Variants in STARD9 observed in about 807,000 individuals in gnomAD.
The protein encoded by STARD9 is stAR-related lipid transfer protein 9.
A neutral mutation model predicts 399.8 loss-of-function variants in STARD9; 346 were observed. That is an observed-to-expected ratio of 0.87 (90% CI 0.79 to 0.95). The LOEUF (loss-of-function observed/expected upper bound fraction) is 0.95. Ranked by LOEUF, STARD9 falls within the 40% of genes least tolerant of loss-of-function variation. The probability of loss-of-function intolerance (pLI) is 0.00; values close to 1 mark genes in which losing one functional copy is unlikely to be tolerated. For missense variants in STARD9, 5,832 were observed against 5,667.5 expected, an observed-to-expected ratio of 1.03 and a Z score of -0.93; for synonymous variants, 2,203 against 2,143.5, an observed-to-expected ratio of 1.03 and a Z score of -0.77.
Position 42,690,470 on chromosome 15 carries a change from T to C in STARD9, c.8892T>C (p.Thr2964=), listed in dbSNP as rs1474880721. 1 of 1,537,144 alleles carries C rather than the reference T, an allele frequency of 6.5e-7. No individual in the cohort carries two copies. The highest frequency in any genetic ancestry group is 1.4e-5 in the African/African-American group (1 of 73,054). Residue 2964 remains threonine (T), a synonymous_variant, in exon 23 of 33, where the codon ACT becomes ACC. Transcript: ENST00000290607. ...CATGCAGTTCTCAACCTGTTGCTAC[T>C]CATGCTTATTCCTCCCATTCCTCTA... ...RQPCSSQPVA[T]HAYSSHSSTL...
intron 26 of STARD9, among the ~76,000 whole-genome samples, chr15:42,711,474 G>A (rs1004205203): frequency 6.6e-6 from 1 of 152,142 alleles, no homozygotes; most frequent in African/African-American, 2.4e-5. Flanking sequence ...ATTAGTCATT[G>A]GATTTAGGGA....
intron 3 of STARD9, among the ~76,000 whole-genome samples, chr15:42,612,670 C>T (rs914387576): frequency 2.6e-5 from 4 of 152,238 alleles, no homozygotes; most frequent in Admixed American, 2.0e-4. Flanking sequence ...CATTCTTTAG[C>T]AAAAAGAAGC....
At chr15:42,608,304 G>A (rs1408179260) in intron 3 of STARD9, among the ~76,000 whole-genome samples, 1 of 152,138 alleles carries the variant, frequency 6.6e-6, no homozygotes, top group Non-Finnish European at 1.5e-5. Flanking sequence ...ACAGGACCCT[G>A]CCAGCCGGAT....
At chr15:42,622,729 G>A (rs980733988) in intron 3 of STARD9, among the ~76,000 whole-genome samples, 1 of 152,300 alleles carries the variant, frequency 6.6e-6, no homozygotes, top group South Asian at 2.1e-4. Context: ...ACAAATGGAA[G>A]TACAAAGATT....
chr15:42,628,005 T>G (rs574547539), intron 3 of STARD9, among the ~76,000 whole-genome samples: 83 of 152,300 alleles, frequency 5.4e-4, no homozygotes, highest in Non-Finnish European at 9.9e-4. Context: ...CTGAGGAACC[T>G]CCATACTCTT....
At chr15:42,657,495 A>G (rs567419959) in intron 9 of STARD9, among the ~76,000 whole-genome samples, 11 of 152,344 alleles carry the variant, frequency 7.2e-5, no homozygotes, top group African/African-American at 1.9e-4. Context: ...CTCAAAATAC[A>G]TGAAAACACT....
At chr15:42,675,390 C>T (rs929316852) in intron 18 of STARD9, 1 of 494,380 alleles carries the variant, frequency 2.0e-6, no homozygotes, top group Non-Finnish European at 3.6e-6. Flanking sequence ...TCTTTTGAGA[C>T]TGAGCTGAGA....
intron 3 of STARD9, among the ~76,000 whole-genome samples, chr15:42,618,441 CTT>C (rs911667483): frequency 2.8e-4 from 42 of 152,062 alleles, no homozygotes; most frequent in Non-Finnish European, 4.7e-4. Context: ...CCACTATACA[CTT>C]TTATTTGTGT....
chr15:42,633,387 G>A (rs2059366384), intron 3 of STARD9, among the ~76,000 whole-genome samples: 1 of 152,050 alleles, frequency 6.6e-6, no homozygotes, highest in Non-Finnish European at 1.5e-5. Context: ...AGAATTGAAG[G>A]GAAAGTTGAA....
chr15:42,642,103 C>T (rs1182215766), intron 7 of STARD9, among the ~76,000 whole-genome samples: 1 of 152,118 alleles, frequency 6.6e-6, no homozygotes, highest in African/African-American at 2.4e-5. Flanking sequence ...TGTCTTAAGG[C>T]TTATCCATTC....
intron 9 of STARD9, among the ~76,000 whole-genome samples, chr15:42,654,811 C>T (rs1399059689): frequency 6.6e-6 from 1 of 152,172 alleles, no homozygotes; most frequent in African/African-American, 2.4e-5. Context: ...ATCTCATGCT[C>T]ATGGATGGGT....
At chr15:42,608,103 C>A (rs2058773946) in intron 3 of STARD9, among the ~76,000 whole-genome samples, 1 of 152,122 alleles carries the variant, frequency 6.6e-6, no homozygotes, top group Non-Finnish European at 1.5e-5. Flanking sequence ...GGGATATGGG[C>A]TAAGGCTGGA....
intron 15 of STARD9, 68 bp downstream of exon 15, chr15:42,665,916 A>T: frequency 7.4e-7 from 1 of 1,342,700 alleles, no homozygotes; most frequent in Non-Finnish European, 1.0e-6. Context: ...TTCCGGAGCT[A>T]GGTAGGGTTG....
At chr15:42,677,263 CA>C (rs1000583456) in intron 20 of STARD9, among the ~76,000 whole-genome samples, 1 of 152,044 alleles carries the variant, frequency 6.6e-6, no homozygotes, top group Admixed American at 6.5e-5. Flanking sequence ...GACTCCGTCT[CA>C]AAAAAAGAAA....
intron 16 of STARD9, 71 bp downstream of exon 16, chr15:42,669,408 G>C: frequency 7.5e-7 from 1 of 1,332,264 alleles, no homozygotes; most frequent in South Asian, 1.5e-5. Context: ...AAAGCTAGGA[G>C]CAGCAGCCAT....
intron 3 of STARD9, among the ~76,000 whole-genome samples, chr15:42,600,524 T>C (rs1225739152): frequency 6.6e-6 from 1 of 150,810 alleles, no homozygotes; most frequent in Non-Finnish European, 1.5e-5. Flanking sequence ...GTTTCTTTCT[T>C]TCTTTTTTTT....
At chr15:42,587,596 C>T (rs1156700364) in intron 3 of STARD9, among the ~76,000 whole-genome samples, 1 of 151,988 alleles carries the variant, frequency 6.6e-6, no homozygotes, top group Non-Finnish European at 1.5e-5. Context: ...GATGGAGTTT[C>T]GCTCTTGTTG....
In STARD9 at chr15:42,694,667, C is replaced by A; in HGVS notation, c.12904C>A (p.Pro4302Thr). ...TCTCTTCATCTGGGATCTTGACTTG[C>A]CCAGCAGACGCCGAGAATACCTGCA... ...KDLFIWDLDL[P>T]SRRREYLQQL... Residue 4302 changes from proline to threonine, a missense_variant, in exon 24 of 33, where the codon CCC becomes ACC. Around this residue, in one of 2 missense-constraint regions of STARD9, gnomAD observed 5,828 missense variants for 5,651.1 expected, o/e 1.03. Transcript: ENST00000290607. 1 of 1,537,154 alleles carries A rather than the reference C, an allele frequency of 6.5e-7. No homozygotes were observed.
chr15:42,682,597 G>A (rs1170739074), intron 22 of STARD9, 22 bp downstream of exon 22: 1 of 1,501,002 alleles, frequency 6.7e-7, no homozygotes, highest in South Asian at 1.2e-5. Context: ...AGTTGTCACT[G>A]GGAAGCACTC....
Sources: allele counts gnomAD v4.1 joint callset (sites outside exome capture counted in the v4.1 genomes callset), GRCh38; gene constraint gnomAD v4.1.1; regional missense constraint gnomAD v4.1.1; transcripts MANE v1.5; gene names NCBI Gene and HGNC (gene_info 2026-07-23, HGNC 2026-07-21).